Variants in GLRA2 observed in about 807,000 individuals in gnomAD.
GLRA2 encodes the protein glycine receptor subunit alpha-2.
In GLRA2, 11 loss-of-function variants were observed where a neutral mutation model predicts 31.6. That is an observed-to-expected ratio of 0.35 (90% CI 0.22 to 0.58). The LOEUF (loss-of-function observed/expected upper bound fraction) is 0.58. Among genes scored for constraint, GLRA2 ranks in the 20% least tolerant of loss-of-function variants. The probability of loss-of-function intolerance (pLI) is 0.84; values close to 1 mark genes in which losing one functional copy is unlikely to be tolerated. For synonymous variants in GLRA2, 132 were observed against 134.0 expected (o/e 0.99, Z 0.10); for missense variants, 212 against 351.8 (o/e 0.60, Z 3.18).
intron 7 of GLRA2, among the ~76,000 whole-genome samples, chrX:14,658,874 A>C (rs2090965367): frequency 8.9e-6 from 1 of 112,342 alleles, no homozygotes. Flanking sequence ...AAATGGCTTT[A>C]AGTTTTTGCC....
At chrX:14,664,748 T>C (rs1283807698) in intron 7 of GLRA2, among the ~76,000 whole-genome samples, 1 of 112,428 alleles carries the variant, frequency 8.9e-6, no homozygotes, top group African/African-American at 3.2e-5. Context: ...AAATCATTTG[T>C]TGAATGAATG....
intron 7 of GLRA2, among the ~76,000 whole-genome samples, chrX:14,686,883 G>T (rs144658217): frequency 5.4e-5 from 6 of 111,903 alleles, no homozygotes; most frequent in Non-Finnish European, 9.4e-5. Context: ...TATTTTGCTC[G>T]TTAGTTGATG....
chrX:14,464,536 C>A, the GLRA2 span, among the ~76,000 whole-genome samples: 1 of 109,853 alleles, frequency 9.1e-6, no homozygotes, highest in Non-Finnish European at 1.9e-5. Flanking sequence ...TTTCATGGGT[C>A]TATGTATCTA....
At chrX:14,570,147 A>T (rs2089863969) in intron 2 of GLRA2, among the ~76,000 whole-genome samples, 1 of 112,025 alleles carries the variant, frequency 8.9e-6, no homozygotes, top group African/African-American at 3.2e-5. Context: ...ATTTGGTGTG[A>T]TTGAAAAGTT....
chrX:14,604,543 A>AGTGTGTGTGT (rs377121617), intron 5 of GLRA2, 146 bp downstream of exon 5: 5 of 161,449 alleles, frequency 3.1e-5, no homozygotes, highest in Admixed American at 1.5e-4. Flanking sequence ...GACAAACCAA[A>AGTGTGTGTGT]GTGTGTGTGT....
At chrX:14,634,801 C>CCA (rs1569513974) in intron 7 of GLRA2, among the ~76,000 whole-genome samples, 2 of 111,851 alleles carry the variant, frequency 1.8e-5, no homozygotes, top group Admixed American at 9.5e-5. Flanking sequence ...TATTTTTCAA[C>CCA]AAGGGCTTTG....
In GLRA2 at chrX:14,730,200, C is replaced by T; in HGVS notation, c.1081-7C>T. ...AATCTGTGCTTCCTCTGTCTTTATT[C>T]CGTCAGGAAGAAGACGTTACTCGTG... is the stretch of plus-strand genomic sequence containing the variant. On this transcript the variant is annotated splice_polypyrimidine_tract_variant and splice_region_variant and intron_variant, in intron 8 of 8. Transcript: ENST00000218075. 8.4e-7 allele frequency: 1 copy of T among 1,188,649 alleles called. No individual in the cohort carries two copies.
the GLRA2 span, among the ~76,000 whole-genome samples, chrX:14,459,288 C>G: frequency 2.7e-5 from 3 of 111,402 alleles, no homozygotes; most frequent in African/African-American, 9.8e-5. Flanking sequence ...TTGTGGTATA[C>G]TTTGAAGTCA....
chrX:14,576,244 A>C (rs771854864), intron 3 of GLRA2, among the ~76,000 whole-genome samples: 1 of 111,392 alleles, frequency 9.0e-6, no homozygotes, highest in Non-Finnish European at 1.9e-5. Flanking sequence ...ACCCATTTTG[A>C]TATTATTCTG....
In GLRA2 at chrX:14,574,647, T is replaced by C. The variant is rs764467768; in HGVS notation, c.270+247T>C. Reference sequence around the variant, plus strand: ...TGTGGCATATTTGTGAGACATTTACTGAGTGCCAATTTCCAACTTTGCTCG... The same window carrying C: ...TGTGGCATATTTGTGAGACATTTACCGAGTGCCAATTTCCAACTTTGCTCG... On this transcript the variant is annotated intron_variant, in intron 3 of 8. Transcript: ENST00000218075. 147 of 684,156 alleles carry C rather than the reference T, an allele frequency of 2.1e-4. No homozygotes were observed. In the Middle Eastern group the frequency reaches 8.8e-3, roughly 41 times the overall value. The allele number at this position is 684,156 out of a possible 1,213,427, so 56.4% of individuals were successfully genotyped here.
chrX:14,683,900 TA>T (rs1296447123), intron 7 of GLRA2, among the ~76,000 whole-genome samples: 185 of 102,681 alleles, frequency 1.8e-3, no homozygotes, highest in Middle Eastern at 0.01. Flanking sequence ...AGTATAATAA[TA>T]AAAAAAAAAG....
chrX:14,451,522 C>T, the GLRA2 span, among the ~76,000 whole-genome samples: 2 of 107,560 alleles, frequency 1.9e-5, no homozygotes, highest in Non-Finnish European at 3.8e-5. Context: ...CCCAGCTACT[C>T]GGGAGGCTGA....
At chrX:14,557,260 C>A (rs774362570) in intron 2 of GLRA2, among the ~76,000 whole-genome samples, 1 of 106,943 alleles carries the variant, frequency 9.4e-6, no homozygotes, top group Non-Finnish European at 1.9e-5. Context: ...GGACTACAGG[C>A]GCCCACCACC....
intron 7 of GLRA2, among the ~76,000 whole-genome samples, chrX:14,626,635 C>T (rs1457743364): frequency 9.0e-6 from 1 of 111,579 alleles, no homozygotes. Flanking sequence ...CAATTCACAG[C>T]ATGTGAGATT....
At chrX:14,513,318 G>T in the GLRA2 span, among the ~76,000 whole-genome samples, 1 of 111,482 alleles carries the variant, frequency 9.0e-6, no homozygotes, top group African/African-American at 3.3e-5. Context: ...AAAAACTCTA[G>T]AAGATAACAT....
intron 7 of GLRA2, among the ~76,000 whole-genome samples, chrX:14,637,431 GTATC>G (rs2090722252): frequency 8.9e-6 from 1 of 112,170 alleles, no homozygotes; most frequent in African/African-American, 3.2e-5. Flanking sequence ...TAAAAATAAA[GTATC>G]TAAGTGAGAG....
chrX:14,517,515 A>C, the GLRA2 span, among the ~76,000 whole-genome samples: 1 of 111,730 alleles, frequency 9.0e-6, no homozygotes, highest in African/African-American at 3.3e-5. Flanking sequence ...GTGCCAAGCA[A>C]AGAGGGGAAA....
the GLRA2 span, among the ~76,000 whole-genome samples, chrX:14,507,380 T>C: frequency 8.9e-6 from 1 of 111,882 alleles, no homozygotes; most frequent in Non-Finnish European, 1.9e-5. Context: ...ATAAGATCGT[T>C]GTGAACGTTA....
At chrX:14,539,952 A>G (rs2089379135) in intron 2 of GLRA2, among the ~76,000 whole-genome samples, 1 of 111,730 alleles carries the variant, frequency 9.0e-6, no homozygotes, top group Non-Finnish European at 1.9e-5. Flanking sequence ...AAAGAATTAC[A>G]TGTAATGGTT....
Sources: allele counts gnomAD v4.1 joint callset (sites outside exome capture counted in the v4.1 genomes callset), GRCh38; gene constraint gnomAD v4.1.1; transcripts MANE v1.5; gene names NCBI Gene and HGNC (gene_info 2026-07-23, HGNC 2026-07-21).